NCF4: variants seen among roughly 807,000 people sequenced by gnomAD.
The protein encoded by NCF4 is neutrophil cytosol factor 4.
Under a neutral mutation model 41.7 loss-of-function variants are expected in NCF4, and 30 were observed. The observed-to-expected ratio is 0.72, with a 90% CI of 0.54 to 0.97. NCF4 has a LOEUF of 0.97. Ranked by LOEUF, NCF4 falls within the 50% of genes least tolerant of loss-of-function variation. The pLI, the probability that NCF4 is intolerant of heterozygous loss-of-function variation, is 0.00. For synonymous variants in NCF4, 195 were observed against 175.8 expected, an observed-to-expected ratio of 1.11 and a Z score of -0.87; for missense variants, 432 against 460.9, an observed-to-expected ratio of 0.94 and a Z score of 0.57.
intron 4 of NCF4, 77 bp downstream of exon 4, chr22:36,867,539 G>T: frequency 6.6e-7 from 1 of 1,506,804 alleles, no homozygotes; most frequent in Non-Finnish European, 9.2e-7. Context: ...CCATCCCTGG[G>T]TATGGCTTTG....
rs1940178284 is a variant in NCF4 at position 36,875,793 on chromosome 22, C to G, written c.758+10C>G. On this transcript the variant is annotated intron_variant, in intron 8 of 9. Transcript: ENST00000248899. ...CCATCAGCACCATCAAGTCTGTGGC[C>G]TGGGAGGGAGGGGCCTGTCCAGCCT... is the stretch of plus-strand genomic sequence containing the variant. 6.2e-7 allele frequency: 1 copy of G among 1,614,182 alleles called. No individual in the cohort carries two copies.
intron 1 of NCF4, among the ~76,000 whole-genome samples, chr22:36,863,804 G>A (rs970447723): frequency 6.6e-6 from 1 of 151,674 alleles, no homozygotes; most frequent in Admixed American, 6.6e-5. Context: ...ATGGCCACCA[G>A]CTTCCCATTC....
intron 7 of NCF4, among the ~76,000 whole-genome samples, chr22:36,873,030 G>C (rs577949761): frequency 1.7e-3 from 239 of 139,742 alleles, no homozygotes; most frequent in Non-Finnish European, 2.2e-3. Context: ...CTGGAGGTGA[G>C]ATTGGAGGTG....
chr22:36,864,280 G>T, intron 2 of NCF4, 151 bp downstream of exon 2: 1 of 754,592 alleles, frequency 1.3e-6, no homozygotes, highest in Non-Finnish European at 2.4e-6. Flanking sequence ...TTGCCCATTT[G>T]ACATTACCCT....
At position 36,876,218 on chromosome 22, in the gene NCF4, G is replaced by A. The variant is rs188858298; in HGVS notation, c.824+124G>A. The A allele has an allele frequency of 2.0e-5, 20 of 1,012,992 alleles. No individual in the cohort carries two copies. The African/African-American group carries it at 2.3e-4, about 12-fold the overall frequency. The allele number at this position is 1,012,992 out of a possible 1,614,324, so 62.8% of individuals were successfully genotyped here. A position where few individuals can be genotyped will look rare whatever the true frequency, so the allele number is the denominator to read the frequency against. On this transcript the variant is annotated intron_variant, in intron 9 of 9. Coordinates refer to ENST00000248899, the MANE Select transcript of NCF4 (RefSeq NM_000631.5). ...TGTACTTTGTCTTCTCTTTTTATCC[G>A]CAGCCCAGCCCTGCAGGTTAGGCAG... is the stretch of plus-strand genomic sequence containing the variant.
chr22:36,868,363 G>C (rs1221543066), intron 4 of NCF4, among the ~76,000 whole-genome samples: 1 of 152,266 alleles, frequency 6.6e-6, no homozygotes, highest in Non-Finnish European at 1.5e-5. Context: ...AAATGGGGCA[G>C]TGCCCTCTAG....
chr22:36,873,328 G>A (rs1222062636), intron 7 of NCF4, among the ~76,000 whole-genome samples: 1 of 147,392 alleles, frequency 6.8e-6, no homozygotes, highest in African/African-American at 2.5e-5. Context: ...TAGAGATGAG[G>A]TTGGAGATGA....
intron 3 of NCF4, among the ~76,000 whole-genome samples, chr22:36,866,950 G>T (rs1276104108): frequency 5.3e-5 from 8 of 152,094 alleles, no homozygotes; most frequent in Admixed American, 4.6e-4. Flanking sequence ...TGCCCCCGGA[G>T]ATTCTGATTT....
At position 36,875,629 on chromosome 22, in the gene NCF4, G is replaced by A. The variant is rs1415949390; in HGVS notation, c.628-24G>A. ...CTGCTGCCTCTCCTCTCACCAGCAT[G>A]GCATCCCTTCTCTTCCTCTGCAGGG... On this transcript the variant is annotated intron_variant, in intron 7 of 9. Coordinates refer to ENST00000248899, the MANE Select transcript of NCF4 (RefSeq NM_000631.5). The A allele has an allele frequency of 4.4e-6, 7 of 1,606,480 alleles. No individual in the cohort carries two copies. In the South Asian group the frequency reaches 5.5e-5, roughly 13 times the overall value.
chr22:36,874,517 C>G (rs1405049350), intron 7 of NCF4, among the ~76,000 whole-genome samples: 2 of 152,188 alleles, frequency 1.3e-5, no homozygotes, highest in Non-Finnish European at 2.9e-5. Flanking sequence ...AGGGCTCTTA[C>G]AGAGGCCTGA....
In NCF4 at chr22:36,871,640, C is replaced by G. The variant is rs1940057050; in HGVS notation, c.471-12C>G. On this transcript the variant is annotated splice_polypyrimidine_tract_variant and intron_variant, in intron 5 of 9. Transcript: ENST00000248899. Reference sequence around the variant, plus strand: ...ATCACAGGGCTAACAAGCCCCTCTTCTCTCTCCACAGCAAGAGCGTGTCCC... The same window carrying G: ...ATCACAGGGCTAACAAGCCCCTCTTGTCTCTCCACAGCAAGAGCGTGTCCC... 2 of 1,561,350 alleles carry G rather than the reference C, an allele frequency of 1.3e-6. No individual in the cohort carries two copies. The highest frequency in any genetic ancestry group is 1.7e-6 in the Non-Finnish European group (2 of 1,151,890).
rs1327793505 is a variant in NCF4 at position 36,865,054 on chromosome 22, AC to A, written c.256del (p.Leu86CysfsTer12). ...PDSKSSALAC[T>X]LPTLPAKVYV... is the part of the protein sequence containing the mutation. ...CAGCAAGAGCAGTGCCCTGGCCTGT[AC>A]CCTGCCCACACTCCCAGGTAGGCGG... On this transcript the variant is annotated frameshift_variant, in exon 3 of 10. Coordinates refer to ENST00000248899, the MANE Select transcript of NCF4 (RefSeq NM_000631.5). LOFTEE classifies it high-confidence loss of function. This position sits in a 1 kb window ranked among gnomAD's most constrained non-coding sequence, Gnocchi z 4.3. The A allele has an allele frequency of 2.5e-6, 4 of 1,611,810 alleles. No homozygotes were observed. Among genetic ancestry groups the A allele is most frequent in the Non-Finnish European group, 3.4e-6 (4 of 1,179,990 alleles).
At chr22:36,875,084 C>T (rs34720633) in intron 7 of NCF4, among the ~76,000 whole-genome samples, 1 of 152,250 alleles carries the variant, frequency 6.6e-6, no homozygotes, top group Non-Finnish European at 1.5e-5. Flanking sequence ...GGCTGGAGTG[C>T]AATGGCGTGA....
At chr22:36,875,514 G>GCTTTCCCTCCTCC (rs1359724879) in intron 7 of NCF4, 139 bp from the exon 8 acceptor site, 10 of 776,862 alleles carry the variant, frequency 1.3e-5, no homozygotes, top group Non-Finnish European at 1.7e-5. Flanking sequence ...GAACTTCCTC[G>GCTTTCCCTCCTCC]CTTTCCCTCC....
chr22:36,872,201 G>C, intron 6 of NCF4, 126 bp from the exon 7 acceptor site: 1 of 828,368 alleles, frequency 1.2e-6, no homozygotes, highest in Non-Finnish European at 2.1e-6. Flanking sequence ...CCTCAGAGAA[G>C]TCGCTTATTC....
At chr22:36,870,106 C>T (rs1021683595) in intron 4 of NCF4, 13 of 418,658 alleles carry the variant, frequency 3.1e-5, no homozygotes, top group Non-Finnish European at 4.9e-5. Flanking sequence ...GTAAAGTCAC[C>T]GCCGGGTCAT....
At chr22:36,876,239 G>A (rs1940191735) in intron 9 of NCF4, 145 bp downstream of exon 9, 1 of 854,762 alleles carries the variant, frequency 1.2e-6, no homozygotes, top group African/African-American at 1.7e-5. Flanking sequence ...CTGCAGGTTA[G>A]GCAGCATCTC....
chr22:36,863,276 G>T (rs754686362), intron 1 of NCF4, among the ~76,000 whole-genome samples: 5 of 152,168 alleles, frequency 3.3e-5, no homozygotes, highest in Non-Finnish European at 7.3e-5. Context: ...GTTTGTTACA[G>T]ATGGGACTGC....
chr22:36,877,494 G>A, intron 9 of NCF4, 134 bp from the exon 10 acceptor site: 1 of 890,948 alleles, frequency 1.1e-6, no homozygotes, highest in South Asian at 1.4e-5. Context: ...TAGATTACTT[G>A]GATGACACGG....
Sources: gnomAD v4.1 joint callset for allele counts (sites outside exome capture counted in the v4.1 genomes callset) on GRCh38, gnomAD v4.1.1 for gene constraint, Gnocchi (gnomAD v3.1) non-coding constraint, MANE v1.5 for transcripts, NCBI Gene and HGNC (gene_info 2026-07-23, HGNC 2026-07-21) for gene names.